Variants in ATXN7L1 observed in about 807,000 individuals in gnomAD.
ATXN7L1 encodes ataxin 7 like 1.
In ATXN7L1, 15 loss-of-function variants were observed where a neutral mutation model predicts 70.8. That is an observed-to-expected ratio of 0.21 (90% confidence interval 0.14 to 0.33). The LOEUF is 0.33. Among genes scored for constraint, ATXN7L1 ranks in the 10% least tolerant of loss-of-function variants. The pLI is 1.00. For missense variants in ATXN7L1, 975 were observed against 1,097.1 expected (o/e 0.89, Z 1.57); for synonymous variants, 440 against 445.1 (o/e 0.99, Z 0.14).
intron 2 of ATXN7L1, chr7:105,819,975 G>A: frequency 2.1e-6 from 1 of 477,788 alleles, no homozygotes; most frequent in South Asian, 1.5e-5. Flanking sequence ...AGAGGAAGGA[G>A]AAAGCCAAGA....
chr7:105,869,358 A>G (rs892228726), intron 2 of ATXN7L1, among the ~76,000 whole-genome samples: 3 of 152,208 alleles, frequency 2.0e-5, no homozygotes, highest in Non-Finnish European at 1.5e-5. Flanking sequence ...GTGTCTTCCC[A>G]TCTCCTATTA....
intron 3 of ATXN7L1, among the ~76,000 whole-genome samples, chr7:105,685,681 C>T (rs951123970): frequency 5.9e-5 from 9 of 152,130 alleles, no homozygotes; most frequent in Admixed American, 4.6e-4. Context: ...AGCAGGGAAC[C>T]GGCAGGTGAT....
At chr7:105,690,249 C>A (rs1790592032) in intron 3 of ATXN7L1, among the ~76,000 whole-genome samples, 1 of 152,172 alleles carries the variant, frequency 6.6e-6, no homozygotes, top group African/African-American at 2.4e-5. Flanking sequence ...AGGTGATCCG[C>A]CCGCCTCAGC....
chr7:105,630,890 T>C lies in ATXN7L1; in HGVS notation c.1203-6623A>G, dbSNP rs146366006. On this transcript the variant is annotated intron_variant, in intron 7 of 11. Coordinates refer to ENST00000419735, the MANE Select transcript of ATXN7L1 (RefSeq NM_020725.2). ...AAACTCCTCTAAACATGAAGTTCAT[T>C]AAGAAAAACAAAAACAAAAACAAAA... 6.4e-4 allele frequency among the ~76,000 whole-genome samples: 96 copies of C among 150,296 alleles called. No individual in the cohort carries two copies. The East Asian group carries it at 0.017, about 27-fold the overall frequency.
chr7:105,749,204 G>A (rs118070860), intron 3 of ATXN7L1, among the ~76,000 whole-genome samples: 1,937 of 149,296 alleles, frequency 0.013, 55 homozygotes, highest in Non-Finnish European at 0.02. Flanking sequence ...GGTTTCAGAG[G>A]AAATTCCTTG....
intron 3 of ATXN7L1, among the ~76,000 whole-genome samples, chr7:105,742,365 A>C (rs1441559240): frequency 6.6e-6 from 1 of 152,222 alleles, no homozygotes; most frequent in African/African-American, 2.4e-5. Context: ...CTCTCTCATC[A>C]GTACAATAGG....
intron 2 of ATXN7L1, among the ~76,000 whole-genome samples, chr7:105,799,528 G>A (rs1157532930): frequency 1.3e-5 from 2 of 152,200 alleles, no homozygotes; most frequent in African/African-American, 4.8e-5. Flanking sequence ...TGTGGCACTT[G>A]TTAGTGTTTC....
chr7:105,615,029 GCA>G (rs752824452), intron 9 of ATXN7L1, among the ~76,000 whole-genome samples: 1 of 151,926 alleles, frequency 6.6e-6, no homozygotes, highest in Non-Finnish European at 1.5e-5. Flanking sequence ...TTTTCATCAC[GCA>G]CAGTCTTTCA....
intron 3 of ATXN7L1, among the ~76,000 whole-genome samples, chr7:105,699,123 T>A (rs754187031): frequency 6.6e-6 from 1 of 152,150 alleles, no homozygotes; most frequent in Non-Finnish European, 1.5e-5. Flanking sequence ...AAGATCTTCA[T>A]TCCACTGTAC....
chr7:105,843,427 A>C (rs1347161739), intron 2 of ATXN7L1, among the ~76,000 whole-genome samples: 1 of 152,250 alleles, frequency 6.6e-6, no homozygotes, highest in African/African-American at 2.4e-5. Context: ...TGACAGATCC[A>C]TCTAGGAAGC....
intron 2 of ATXN7L1, among the ~76,000 whole-genome samples, chr7:105,841,910 T>A (rs1258443222): frequency 6.6e-6 from 1 of 152,194 alleles, no homozygotes; most frequent in African/African-American, 2.4e-5. Flanking sequence ...GACTAATGCC[T>A]AGCACATAGT....
At chr7:105,815,899 G>C (rs1809117251) in intron 2 of ATXN7L1, among the ~76,000 whole-genome samples, 1 of 152,220 alleles carries the variant, frequency 6.6e-6, no homozygotes, top group Non-Finnish European at 1.5e-5. Context: ...AGGCATTTAG[G>C]AGAATGTGCA....
intron 3 of ATXN7L1, among the ~76,000 whole-genome samples, chr7:105,787,122 G>T (rs918117537): frequency 6.6e-6 from 1 of 152,110 alleles, no homozygotes; most frequent in East Asian, 1.9e-4. Flanking sequence ...GCAGTGGAGA[G>T]GGTCATTTGG....
chr7:105,689,330 A>T (rs1395840956), intron 3 of ATXN7L1, among the ~76,000 whole-genome samples: 1 of 152,146 alleles, frequency 6.6e-6, no homozygotes, highest in East Asian at 1.9e-4. Context: ...CAATGTCTGG[A>T]GGGCCTGGGA....
At chr7:105,867,164 G>C (rs550146400) in intron 2 of ATXN7L1, among the ~76,000 whole-genome samples, 103 of 152,242 alleles carry the variant, frequency 6.8e-4, no homozygotes, top group Non-Finnish European at 1.2e-3. Context: ...CTGGCACACA[G>C]GTCAGAAGGC....
intron 2 of ATXN7L1, among the ~76,000 whole-genome samples, chr7:105,813,335 A>ATTTTT (rs3036751): frequency 1.6e-5 from 2 of 128,906 alleles, no homozygotes; most frequent in Admixed American, 8.0e-5. Flanking sequence ...ACAATCTACA[A>ATTTTT]TTTTTTTTTT....
rs1156362046 is a variant in ATXN7L1 at position 105,819,090 on chromosome 7, G to T, written c.251-30382C>A. Reference sequence around the variant, plus strand: ...GACGTTCCCCACCCTGTGTCCAAGTGATCTCATTGTTCAATTCCCAACTAT... The same window carrying T: ...GACGTTCCCCACCCTGTGTCCAAGTTATCTCATTGTTCAATTCCCAACTAT... On this transcript the variant is annotated intron_variant, in intron 2 of 11. Coordinates refer to ENST00000419735, the MANE Select transcript of ATXN7L1 (RefSeq NM_020725.2). Among the ~76,000 whole-genome samples the T allele has an allele frequency of 3.3e-5, 5 of 149,760 alleles. No homozygotes were observed. The East Asian group carries it at 9.8e-4, about 29-fold the overall frequency.
In ATXN7L1 at chr7:105,614,066, G is replaced by A. The variant is rs1250370724; in HGVS notation, c.2268C>T (p.Asp756=). ...SVPSLALHAG[D]LSLASHNAVS... ...CAGCATTGTGTGAGGCCAGAGAGAG[G>A]TCCCCTGCGTGGAGCGCAAGGGAGG... Residue 756 remains aspartate, a synonymous_variant, in exon 10 of 12, where the codon GAC becomes GAT. Transcript: ENST00000419735. This position sits in a 1 kb window ranked among gnomAD's most constrained non-coding sequence, Gnocchi z 4.3. The A allele has an allele frequency of 1.3e-6, 2 of 1,551,730 alleles. No individual in the cohort carries two copies. The highest frequency in any genetic ancestry group is 1.7e-6 in the Non-Finnish European group (2 of 1,146,986).
At chr7:105,728,040 T>G (rs1054471974) in intron 3 of ATXN7L1, among the ~76,000 whole-genome samples, 1 of 151,990 alleles carries the variant, frequency 6.6e-6, no homozygotes, top group Admixed American at 6.6e-5. Context: ...AAAGTATGAC[T>G]GTACTACTTT....
Sources: allele counts gnomAD v4.1 joint callset (sites outside exome capture counted in the v4.1 genomes callset), GRCh38; gene constraint gnomAD v4.1.1; non-coding constraint Gnocchi (gnomAD v3.1); transcripts MANE v1.5; gene names NCBI Gene and HGNC (gene_info 2026-07-23, HGNC 2026-07-21).